COL6A3: variants seen among roughly 807,000 people sequenced by gnomAD.
COL6A3 encodes collagen alpha-3(VI) chain.
COL6A3 carries 137 observed loss-of-function variants against 274.1 expected under a neutral mutation model. That is an observed-to-expected ratio of 0.50 (90% confidence interval 0.44 to 0.58). The LOEUF is 0.58. Ranked by LOEUF, COL6A3 falls within the 20% of genes least tolerant of loss-of-function variation. The pLI is 0.00. For missense variants in COL6A3, 3,950 were observed against 4,124.9 expected, an observed-to-expected ratio of 0.96 and a Z score of 1.16; for synonymous variants, 1,650 against 1,650.6, an observed-to-expected ratio of 1.00 and a Z score of 0.01.
Position 237,381,200 on chromosome 2 carries a change from T to G in COL6A3, c.1612A>C (p.Thr538Pro). The G allele has an allele frequency of 6.2e-7, 1 of 1,614,182 alleles. No homozygotes were observed. Among genetic ancestry groups the G allele is most frequent in the Non-Finnish European group, 8.5e-7 (1 of 1,180,032 alleles). The change falls in exon 5 of 44, where the codon ACG (threonine) becomes CCG (proline). Residue 538 changes from threonine (T) to proline (P), a missense_variant. Physicochemically the swap from Thr to Pro is conservative, Grantham distance 38 (BLOSUM62 -1). Transcript: ENST00000295550. ...GCAGCCCGGTAGCCGGCTGAACTCG[T>G]GAATAGGTTGTTACGAACAAAGTCT... Reference protein sequence around the residue: ...ALDFVRNNLFTSSAGYRAAEG... With the variant: ...ALDFVRNNLFPSSAGYRAAEG...
In COL6A3 at chr2:237,376,848, C is replaced by G; in HGVS notation, c.2994G>C (p.Ser998=). The change falls in exon 7 of 44, where the codon TCG becomes TCC. Residue 998 remains serine, a synonymous_variant. Transcript: ENST00000295550. ...GATGAAGATCTCCAATCTTGGGAAG[C>G]GACTCTGCAGCCAGGATAAACGCTG... ...LSPAFILAAE[S]LPKIGDLHPQ... The G allele has an allele frequency of 6.2e-7, 1 of 1,614,212 alleles. No individual in the cohort carries two copies. The highest frequency in any genetic ancestry group is 8.5e-7 in the Non-Finnish European group (1 of 1,180,036).
chr2:237,368,463 A>G lies in COL6A3; in HGVS notation c.4900+100T>C, dbSNP rs2077604556. ...CTAATATTATCTGAAGAAACAACCCAGAGAGAAGAAAATTATTAAAAATGA... is the reference window on the plus strand; with the variant it reads ...CTAATATTATCTGAAGAAACAACCCGGAGAGAAGAAAATTATTAAAAATGA... On this transcript the variant is annotated intron_variant, in intron 10 of 43. Coordinates refer to ENST00000295550, the MANE Select transcript of COL6A3 (RefSeq NM_004369.4). The surrounding 1 kb of genome is among the most constrained non-coding windows in gnomAD (Gnocchi z 4.4). 1 of 1,423,324 alleles carries G rather than the reference A, an allele frequency of 7.0e-7. No individual in the cohort carries two copies. Among genetic ancestry groups the G allele is most frequent in the Non-Finnish European group, 9.5e-7 (1 of 1,048,296 alleles). The allele number at this position is 1,423,324 out of a possible 1,614,324, so 88.2% of individuals were successfully genotyped here.
chr2:237,384,230 ACT>A (rs1322906020), intron 4 of COL6A3, among the ~76,000 whole-genome samples: 1 of 151,694 alleles, frequency 6.6e-6, no homozygotes, highest in Non-Finnish European at 1.5e-5. Context: ...CTCACAGCTG[ACT>A]CTTCTGTGAG....
At chr2:237,360,299 T>C (rs2077406542) in intron 16 of COL6A3, 140 bp from the exon 17 acceptor site, 1 of 849,478 alleles carries the variant, frequency 1.2e-6, no homozygotes, top group Non-Finnish European at 1.9e-6. Flanking sequence ...CGATCGAGGC[T>C]ACGTGAGCCA....
rs2077774184 is a variant in COL6A3, at chr2:237,374,380, C to T, written c.3679+32G>A. 2 of 1,607,346 alleles carry T rather than the reference C, an allele frequency of 1.2e-6. No homozygotes were observed. On this transcript the variant is annotated intron_variant, in intron 8 of 43. Coordinates refer to ENST00000295550, the MANE Select transcript of COL6A3 (RefSeq NM_004369.4). This position sits in a 1 kb window ranked among gnomAD's most constrained non-coding sequence, Gnocchi z 4.8. ...AGACAAGTAGCCCCAGACAATGACA[C>T]TGAGTGAGGATGCAAAGAGTTCCCT...
chr2:237,410,195 A>G (rs2078820243), intron 1 of COL6A3, among the ~76,000 whole-genome samples: 2 of 151,798 alleles, frequency 1.3e-5, no homozygotes, highest in Non-Finnish European at 2.9e-5. Context: ...CACTTCAGAG[A>G]TTTTTCTGAA....
chr2:237,376,030 A>G (rs1300060629), intron 7 of COL6A3, among the ~76,000 whole-genome samples: 2 of 152,222 alleles, frequency 1.3e-5, no homozygotes, highest in African/African-American at 2.4e-5. Context: ...GCACCTGCAC[A>G]ACCACTAGCA....
At chr2:237,391,509 TG>T (rs1283288820) in intron 3 of COL6A3, among the ~76,000 whole-genome samples, 1 of 38,652 alleles carries the variant, frequency 2.6e-5, no homozygotes, top group African/African-American at 1.2e-4. Flanking sequence ...TTTCACTGTT[TG>T]TTTGTTTGTT....
At chr2:237,410,469 T>C (rs1380116598) in intron 1 of COL6A3, among the ~76,000 whole-genome samples, 3 of 152,014 alleles carry the variant, frequency 2.0e-5, no homozygotes, top group Admixed American at 6.6e-5. Context: ...GCCTGGTTAA[T>C]TTTTTAAAAC....
At chr2:237,382,235 T>G (rs188856417) in intron 4 of COL6A3, among the ~76,000 whole-genome samples, 27 of 151,942 alleles carry the variant, frequency 1.8e-4, no homozygotes, top group African/African-American at 6.3e-4. Context: ...ATACAAAAAT[T>G]AGCCGAGCGT....
chr2:237,369,397 G>A (rs777114100), intron 9 of COL6A3, among the ~76,000 whole-genome samples: 10 of 152,266 alleles, frequency 6.6e-5, no homozygotes, highest in Non-Finnish European at 1.3e-4. Flanking sequence ...TATCCAAAAC[G>A]TGTCTTTCTG....
chr2:237,358,995 T>C (rs1362139824), intron 20 of COL6A3, 40 bp downstream of exon 20: 2 of 1,595,996 alleles, frequency 1.3e-6, no homozygotes, highest in Admixed American at 1.7e-5. Flanking sequence ...GAAATGTTGA[T>C]ATTCTTTCCA....
Position 237,375,016 on chromosome 2 carries a change from T to A in COL6A3, c.3075A>T (p.Ser1025=). The change falls in exon 8 of 44, where the codon TCA becomes TCT. Residue 1025 remains serine, a synonymous_variant. Transcript: ENST00000295550. Reference sequence around the variant, plus strand: ...GCAGAAACACCACGTCCTTTTCACCTGAAACTGGGAGGAGGACAGCCTGGT... The same window carrying A: ...GCAGAAACACCACGTCCTTTTCACCAGAAACTGGGAGGAGGACAGCCTGGT... ...SVHNGAPAPV[S]GEKDVVFLLD... 1 of 1,613,518 alleles carries A rather than the reference T, an allele frequency of 6.2e-7. No homozygotes were observed. Among genetic ancestry groups the A allele is most frequent in the Non-Finnish European group, 8.5e-7 (1 of 1,180,008 alleles).
chr2:237,393,390 C>G (rs1294708513), intron 3 of COL6A3, among the ~76,000 whole-genome samples: 1 of 152,216 alleles, frequency 6.6e-6, no homozygotes, highest in Admixed American at 6.5e-5. Context: ...AGCCCCCAAG[C>G]CCCACTGCTT....
intron 1 of COL6A3, among the ~76,000 whole-genome samples, chr2:237,398,816 G>T (rs2078517053): frequency 6.6e-6 from 1 of 152,182 alleles, no homozygotes; most frequent in Admixed American, 6.5e-5. Flanking sequence ...TCAGAGGTTT[G>T]GGTAACAGTA....
chr2:237,374,337 C>T lies in COL6A3; in HGVS notation c.3679+75G>A, dbSNP rs2077772895. On this transcript the variant is annotated intron_variant, in intron 8 of 43. Transcript: ENST00000295550. The surrounding 1 kb of genome is among the most constrained non-coding windows in gnomAD (Gnocchi z 4.8). ...GGCAGGAAAAGCAAAATTGAGAACA[C>T]CTTGTGGCCCACAGTCCAGACAAGT... 1.3e-6 allele frequency: 2 copies of T among 1,593,466 alleles called. No individual in the cohort carries two copies. The highest frequency in any genetic ancestry group is 1.7e-5 in the Admixed American group (1 of 59,972).
chr2:237,400,504 A>C (rs2078563330), intron 1 of COL6A3, among the ~76,000 whole-genome samples: 1 of 152,146 alleles, frequency 6.6e-6, no homozygotes, highest in South Asian at 2.1e-4. Context: ...ATAACCTAGA[A>C]AAAAAATAGA....
At chr2:237,356,453 A>G (rs1020196352) in intron 23 of COL6A3, among the ~76,000 whole-genome samples, 7 of 152,220 alleles carry the variant, frequency 4.6e-5, no homozygotes, top group African/African-American at 7.2e-5. Context: ...AATGATGCCC[A>G]TAGTCCATCA....
intron 3 of COL6A3, among the ~76,000 whole-genome samples, chr2:237,393,780 A>G (rs1423702009): frequency 1.3e-5 from 2 of 152,208 alleles, no homozygotes; most frequent in Admixed American, 6.5e-5. Flanking sequence ...TTAGCCCTGG[A>G]AGGAGAGCTA....
Sources: allele counts gnomAD v4.1 joint callset (sites outside exome capture counted in the v4.1 genomes callset), GRCh38; gene constraint gnomAD v4.1.1; non-coding constraint Gnocchi (gnomAD v3.1); transcripts MANE v1.5; gene names NCBI Gene and HGNC (gene_info 2026-07-23, HGNC 2026-07-21).